Variants in CAPZB observed in about 807,000 individuals in gnomAD.
CAPZB encodes F-actin-capping protein subunit beta.
In CAPZB, 2 loss-of-function variants were observed where a neutral mutation model predicts 38.1. The observed-to-expected ratio is 0.05, with a 90% CI of 0.02 to 0.17. The LOEUF (loss-of-function observed/expected upper bound fraction) is 0.17, where lower values mean the gene tolerates loss of function less well. Among genes scored for constraint, CAPZB ranks in the 10% least tolerant of loss-of-function variants. The pLI is 1.00. For missense variants in CAPZB, 161 were observed against 334.2 expected, an observed-to-expected ratio of 0.48 and a Z score of 4.04; for synonymous variants, 107 against 127.4, an observed-to-expected ratio of 0.84 and a Z score of 1.08.
intron 6 of CAPZB, among the ~76,000 whole-genome samples, chr1:19,353,288 T>C (rs1038048550): frequency 1.3e-5 from 2 of 152,114 alleles, no homozygotes; most frequent in African/African-American, 4.8e-5. Context: ...GGCAAGGGCA[T>C]GTGAGCGTGG....
At chr1:19,453,917 T>TGAA (rs71008170) in intron 1 of CAPZB, among the ~76,000 whole-genome samples, 86,716 of 151,738 alleles carry the variant, frequency 0.57, 25,098 homozygotes, top group Non-Finnish European at 0.61. Flanking sequence ...ATTTTACAGA[T>TGAA]GAAAATGAGG....
intron 1 of CAPZB, among the ~76,000 whole-genome samples, chr1:19,430,877 A>C (rs1331966259): frequency 6.6e-6 from 1 of 152,190 alleles, no homozygotes; most frequent in Non-Finnish European, 1.5e-5. Context: ...CATGACAACC[A>C]ACAAACTCAT....
chr1:19,438,896 T>A (rs891789538), intron 1 of CAPZB, among the ~76,000 whole-genome samples: 2 of 152,250 alleles, frequency 1.3e-5, no homozygotes, highest in African/African-American at 4.8e-5. Context: ...GTTTCCCTTC[T>A]GTCCTCTGAT....
intron 1 of CAPZB, among the ~76,000 whole-genome samples, chr1:19,434,420 A>G (rs920105579): frequency 2.0e-5 from 3 of 151,362 alleles, no homozygotes; most frequent in African/African-American, 7.3e-5. Context: ...CAATTAAATA[A>G]AAAAAAAACA....
chr1:19,374,828 T>C (rs914059908), intron 4 of CAPZB, among the ~76,000 whole-genome samples: 2 of 152,182 alleles, frequency 1.3e-5, no homozygotes, highest in African/African-American at 4.8e-5. Context: ...GAACAGAAGA[T>C]AGGTGGGAGA....
chr1:19,383,104 C>A (rs1342138912), intron 3 of CAPZB, among the ~76,000 whole-genome samples: 1 of 115,908 alleles, frequency 8.6e-6, no homozygotes, highest in African/African-American at 3.3e-5. Context: ...CAAAATGAGG[C>A]CCCCATCTCT....
chr1:19,446,671 T>C lies in CAPZB; in HGVS notation c.4-26921A>G, dbSNP rs867300758. ...TCCCCCAACAACAGGGAAGTGATCA[T>C]CTACTGTGTAACCCTTACAATTGCA... On this transcript the variant is annotated intron_variant, in intron 1 of 8. Coordinates refer to ENST00000264202, the MANE Select transcript of CAPZB (RefSeq NM_004930.5). Among the ~76,000 whole-genome samples the C allele has an allele frequency of 2.6e-5, 4 of 152,308 alleles. No individual in the cohort carries two copies. The Middle Eastern group carries it at 0.01, about 391-fold the overall frequency.
chr1:19,345,137 G>A, intron 7 of CAPZB, 50 bp downstream of exon 7: 3 of 1,423,090 alleles, frequency 2.1e-6, no homozygotes, highest in Non-Finnish European at 3.0e-6. Flanking sequence ...GGGCTGCAGT[G>A]TCACTGCTGT....
intron 1 of CAPZB, among the ~76,000 whole-genome samples, chr1:19,454,293 G>T (rs1310373625): frequency 6.6e-6 from 1 of 152,220 alleles, no homozygotes. Context: ...CAGGTGGGCT[G>T]AAGAATGAAA....
At chr1:19,394,088 C>T (rs2094253266) in intron 2 of CAPZB, among the ~76,000 whole-genome samples, 1 of 152,238 alleles carries the variant, frequency 6.6e-6, no homozygotes, top group Non-Finnish European at 1.5e-5. Context: ...GCAACCTCTG[C>T]CTCCCAGGTT....
intron 1 of CAPZB, among the ~76,000 whole-genome samples, chr1:19,430,303 G>C (rs531203876): frequency 6.6e-6 from 1 of 152,294 alleles, no homozygotes; most frequent in South Asian, 2.1e-4. Flanking sequence ...ACAGCCATCA[G>C]TTGATCTTTC....
intron 2 of CAPZB, among the ~76,000 whole-genome samples, chr1:19,410,560 C>G (rs1048306353): frequency 6.6e-6 from 1 of 152,268 alleles, no homozygotes; most frequent in African/African-American, 2.4e-5. Flanking sequence ...GGGTTCCCCA[C>G]AGCCCAGCCG....
chr1:19,423,968 TG>T (rs1041270888), intron 1 of CAPZB, among the ~76,000 whole-genome samples: 14 of 151,922 alleles, frequency 9.2e-5, no homozygotes, highest in Middle Eastern at 3.4e-3. Context: ...TGAGCCACCA[TG>T]CCCAGCCAAT....
At chr1:19,373,373 C>T (rs118095547) in intron 4 of CAPZB, among the ~76,000 whole-genome samples, 1 of 152,336 alleles carries the variant, frequency 6.6e-6, no homozygotes, top group East Asian at 1.9e-4. Flanking sequence ...TCAACCCGTC[C>T]CCTGGCCCAG....
Position 19,419,562 on chromosome 1 carries a change from AG to A in CAPZB, c.93+98del, listed in dbSNP as rs879357242. ...TGGCATGGTCTGCCAGGGAGAGAAA[AG>A]GTTTCCTGTGTTGTGAATTCTGCAT... On this transcript the variant is annotated intron_variant, in intron 2 of 8. Transcript: ENST00000264202. 3.5e-4 allele frequency: 250 copies of A among 708,632 alleles called. 5 individuals are homozygous for A. In the Admixed American group the frequency reaches 5.5e-3, roughly 16 times the overall value. The allele number at this position is 708,632 out of a possible 1,614,324, so 43.9% of individuals were successfully genotyped here.
chr1:19,440,870 C>G (rs928223244), intron 1 of CAPZB, among the ~76,000 whole-genome samples: 10 of 152,162 alleles, frequency 6.6e-5, no homozygotes, highest in Non-Finnish European at 1.2e-4. Context: ...ACCACCTTGG[C>G]TAACATGGTG....
intron 2 of CAPZB, among the ~76,000 whole-genome samples, chr1:19,405,761 G>A (rs1035758687): frequency 6.6e-6 from 1 of 152,132 alleles, no homozygotes; most frequent in East Asian, 1.9e-4. Context: ...CGGAGGGGCC[G>A]GCTGTCAGAT....
chr1:19,471,188 T>A (rs2094585728), intron 1 of CAPZB, among the ~76,000 whole-genome samples: 2 of 152,202 alleles, frequency 1.3e-5, no homozygotes, highest in African/African-American at 4.8e-5. Context: ...GGTATTCTCT[T>A]CAAAATACTG....
chr1:19,408,317 C>A (rs988109670), intron 2 of CAPZB, among the ~76,000 whole-genome samples: 16 of 152,266 alleles, frequency 1.1e-4, no homozygotes, highest in Admixed American at 3.9e-4. Flanking sequence ...CTTCCACTCA[C>A]ATCTGCAGTT....
Sources: allele counts gnomAD v4.1 joint callset (sites outside exome capture counted in the v4.1 genomes callset), GRCh38; gene constraint gnomAD v4.1.1; transcripts MANE v1.5; gene names NCBI Gene and HGNC (gene_info 2026-07-23, HGNC 2026-07-21).